Variants in RAF1 observed in about 807,000 individuals in gnomAD.
The protein encoded by RAF1 is Raf-1 proto-oncogene, serine/threonine kinase.
Under a neutral mutation model 81.1 loss-of-function variants are expected in RAF1, and 27 were observed. That is an observed-to-expected ratio of 0.33 (90% CI 0.25 to 0.46). The LOEUF is 0.46. RAF1 is among the 20% of genes least tolerant of loss of function. RAF1 has a pLI of 1.00. For synonymous variants in RAF1, 298 were observed against 294.0 expected (o/e 1.01, Z -0.14); for missense variants, 598 against 826.0 (o/e 0.72, Z 3.38).
Position 12,583,616 on chromosome 3 carries a change from A to ATTTAT in RAF1, c.*893_*897dup, listed in dbSNP as rs1478027698. The ATTTAT allele has an allele frequency of 4.3e-6, 1 of 231,794 alleles. No homozygotes were observed. The highest frequency in any genetic ancestry group is 6.1e-5 in the East Asian group (1 of 16,354). 14.4% of individuals were successfully genotyped at this position (231,794 alleles called of 1,614,324 possible). A position where few individuals can be genotyped will look rare whatever the true frequency, so the allele number is the denominator to read the frequency against. ...CAGCCAGCCATTACACCTAAATTTA[A>ATTTAT]TTTATTTTATTAAAATAACATAATT... On this transcript the variant is annotated 3_prime_UTR_variant, in exon 18 of 18. Coordinates refer to ENST00000442415, the MANE Select transcript of RAF1 (RefSeq NM_001354689.3).
intron 2 of RAF1, 99 bp downstream of exon 2, chr3:12,618,416 G>T: frequency 8.0e-7 from 1 of 1,243,942 alleles, no homozygotes; most frequent in Non-Finnish European, 1.2e-6. Context: ...GACCCTAAAT[G>T]ACAATGAATA....
At chr3:12,649,409 T>A (rs1194813899) in intron 1 of RAF1, among the ~76,000 whole-genome samples, 1 of 152,044 alleles carries the variant, frequency 6.6e-6, no homozygotes, top group Non-Finnish European at 1.5e-5. Context: ...ACCACCCTGG[T>A]CAACAGAGTG....
chr3:12,626,968 C>T (rs1455066346), intron 1 of RAF1, among the ~76,000 whole-genome samples: 2 of 144,664 alleles, frequency 1.4e-5, no homozygotes, highest in Non-Finnish European at 1.5e-5. Context: ...AGGTTATAGT[C>T]AGCCAAAACT....
intron 1 of RAF1, among the ~76,000 whole-genome samples, chr3:12,658,022 T>G (rs1394555629): frequency 6.6e-6 from 1 of 152,194 alleles, no homozygotes; most frequent in Middle Eastern, 3.2e-3. Flanking sequence ...CTTTCCTGCA[T>G]GGTTTCTTTT....
At chr3:12,630,555 A>G (rs2059830636) in intron 1 of RAF1, among the ~76,000 whole-genome samples, 1 of 152,212 alleles carries the variant, frequency 6.6e-6, no homozygotes, top group Non-Finnish European at 1.5e-5. Context: ...TGAGACCTGG[A>G]AATCAGTGAG....
At chr3:12,618,204 T>C (rs979466929) in intron 2 of RAF1, among the ~76,000 whole-genome samples, 1 of 152,270 alleles carries the variant, frequency 6.6e-6, no homozygotes, top group Admixed American at 6.5e-5. Flanking sequence ...AATAAGTAGT[T>C]GGAAAGGCCT....
intron 2 of RAF1, 31 bp from the exon 3 acceptor site, chr3:12,612,093 C>G (rs2059228788): frequency 6.4e-7 from 1 of 1,555,016 alleles, no homozygotes; most frequent in Non-Finnish European, 8.9e-7. Context: ...TTAGGACCAA[C>G]ACAGGCTGCA....
intron 11 of RAF1, among the ~76,000 whole-genome samples, chr3:12,596,633 A>G (rs747431245): frequency 1.3e-5 from 2 of 152,164 alleles, no homozygotes; most frequent in Non-Finnish European, 2.9e-5. Context: ...TTACTTCCAT[A>G]AGTGGGTGGG....
chr3:12,611,728 T>C (rs2059216656), intron 3 of RAF1, among the ~76,000 whole-genome samples: 1 of 152,146 alleles, frequency 6.6e-6, no homozygotes, highest in Non-Finnish European at 1.5e-5. Context: ...CAGGTATTGG[T>C]CATCAGGCCC....
intron 1 of RAF1, among the ~76,000 whole-genome samples, chr3:12,633,736 C>A (rs1464739422): frequency 6.6e-6 from 1 of 151,552 alleles, no homozygotes; most frequent in East Asian, 1.9e-4. Context: ...GAGTTCAAGA[C>A]CAGCCTGGCC....
chr3:12,620,245 C>T (rs1235656179), intron 1 of RAF1, among the ~76,000 whole-genome samples: 1 of 152,128 alleles, frequency 6.6e-6, no homozygotes, highest in African/African-American at 2.4e-5. Flanking sequence ...AGCGATTCTC[C>T]TGCCTCAGCC....
At chr3:12,639,763 GA>G (rs1476598403) in intron 1 of RAF1, among the ~76,000 whole-genome samples, 4 of 152,178 alleles carry the variant, frequency 2.6e-5, no homozygotes, top group Non-Finnish European at 4.4e-5. Context: ...TGGGTAGGAA[GA>G]ATCAATATCG....
chr3:12,625,371 C>T (rs1034555625), intron 1 of RAF1, among the ~76,000 whole-genome samples: 5 of 152,206 alleles, frequency 3.3e-5, no homozygotes, highest in Admixed American at 6.5e-5. Flanking sequence ...CCATGAGCTA[C>T]TGTGCCCAGA....
intron 11 of RAF1, among the ~76,000 whole-genome samples, chr3:12,593,615 C>A (rs2058591754): frequency 6.6e-6 from 1 of 152,088 alleles, no homozygotes; most frequent in Admixed American, 6.6e-5. Context: ...TTTGGAGCTA[C>A]CTTCTATCTA....
At chr3:12,591,663 C>G (rs777189167) in intron 12 of RAF1, 45 bp downstream of exon 11, 9 of 1,523,678 alleles carry the variant, frequency 5.9e-6, no homozygotes, top group African/African-American at 2.7e-5. Flanking sequence ...TTGTACTCCC[C>G]ACTCCAGCAC....
chr3:12,591,236 A>C (rs953660733), intron 12 of RAF1, among the ~76,000 whole-genome samples: 2 of 151,990 alleles, frequency 1.3e-5, no homozygotes, highest in Non-Finnish European at 2.9e-5. Context: ...ATCAATGTAC[A>C]CTCCATGACC....
rs2060796723 is a variant in RAF1 at position 12,659,214 on chromosome 3, G to A, written c.-27+4599C>T. Among the ~76,000 whole-genome samples, 3 of 151,726 alleles carry A rather than the reference G, an allele frequency of 2.0e-5. No individual in the cohort carries two copies. The Admixed American group carries it at 2.0e-4, about 10-fold the overall frequency. The stretch of plus-strand genomic sequence containing the variant: ...AAGCCGAGGCAGGTGGATCACTTGA[G>A]GTCAGGAGTTCAAGACCAGCCTGGC... On this transcript the variant is annotated intron_variant, in intron 1 of 17. Transcript: ENST00000442415.
intron 1 of RAF1, among the ~76,000 whole-genome samples, chr3:12,648,653 C>T (rs917613781): frequency 1.3e-5 from 2 of 151,838 alleles, no homozygotes; most frequent in Admixed American, 6.6e-5. Flanking sequence ...GGCTGAGGCA[C>T]GAGAATCATG....
intron 1 of RAF1, among the ~76,000 whole-genome samples, chr3:12,647,358 T>C (rs1251230472): frequency 6.7e-6 from 1 of 150,374 alleles, no homozygotes; most frequent in Non-Finnish European, 1.5e-5. Context: ...CTCAGCACTT[T>C]GAGAGGTTGA....
Sources: allele counts gnomAD v4.1 joint callset (sites outside exome capture counted in the v4.1 genomes callset), GRCh38; gene constraint gnomAD v4.1.1; transcripts MANE v1.5; gene names NCBI Gene and HGNC (gene_info 2026-07-23, HGNC 2026-07-21).